Variants in PTPRG observed in about 807,000 individuals in gnomAD.
PTPRG encodes the protein protein tyrosine phosphatase receptor type G.
PTPRG carries 102 observed loss-of-function variants against 165.3 expected under a neutral mutation model. The ratio of observed to expected loss-of-function variants is 0.62; its 90% confidence interval spans 0.53 to 0.73. The LOEUF (loss-of-function observed/expected upper bound fraction) is 0.73, where lower values mean the gene tolerates loss of function less well. Ranked by LOEUF, PTPRG falls within the 30% of genes least tolerant of loss-of-function variation. The probability of loss-of-function intolerance (pLI) is 0.00; values close to 1 mark genes in which losing one functional copy is unlikely to be tolerated. For synonymous variants in PTPRG, 675 were observed against 669.5 expected, an observed-to-expected ratio of 1.01 and a Z score of -0.13; for missense variants, 1,866 against 1,861.4, an observed-to-expected ratio of 1.00 and a Z score of -0.05.
chr3:62,108,257 A>AG lies in PTPRG; in HGVS notation c.616-24345_616-24344insG, dbSNP rs1388712980. 1.4e-4 allele frequency among the ~76,000 whole-genome samples: 20 copies of AG among 144,108 alleles called. No homozygotes were observed. The South Asian group carries it at 3.9e-3, about 28-fold the overall frequency. 94.5% of individuals were successfully genotyped at this position (144,108 alleles called of 152,430 possible). A position where few individuals can be genotyped will look rare whatever the true frequency, so the allele number is the denominator to read the frequency against. ...TTCCCCGCTGTATCCATGTGTCCTC[A>AG]TTGTTCAGCTCCCACTTATGAGTGA... On this transcript the variant is annotated intron_variant, in intron 5 of 29. Coordinates refer to ENST00000474889, the MANE Select transcript of PTPRG (RefSeq NM_002841.4).
intron 2 of PTPRG, among the ~76,000 whole-genome samples, chr3:61,972,655 TTTC>T (rs1243963274): frequency 1.4e-5 from 2 of 138,626 alleles, no homozygotes; most frequent in East Asian, 4.2e-4. Context: ...TTTTTTTTCT[TTTC>T]TTTTTTTTTT....
intron 5 of PTPRG, among the ~76,000 whole-genome samples, chr3:62,113,546 A>C (rs1013355525): frequency 1.1e-4 from 16 of 152,344 alleles, no homozygotes; most frequent in Non-Finnish European, 1.6e-4. Flanking sequence ...GCAATATATC[A>C]ACATTTGAAT....
chr3:61,657,872 G>A (rs1026109205), intron 1 of PTPRG, among the ~76,000 whole-genome samples: 2 of 152,170 alleles, frequency 1.3e-5, no homozygotes, highest in African/African-American at 4.8e-5. Context: ...AGGCATCAGC[G>A]GGGAAGATGC....
intron 5 of PTPRG, among the ~76,000 whole-genome samples, chr3:62,095,258 A>G (rs945318702): frequency 3.3e-5 from 5 of 152,146 alleles, no homozygotes; most frequent in African/African-American, 1.2e-4. Flanking sequence ...AGTTACAGAG[A>G]ATGTCAAAGC....
At chr3:61,724,001 G>A (rs1162369147) in intron 1 of PTPRG, among the ~76,000 whole-genome samples, 2 of 152,142 alleles carry the variant, frequency 1.3e-5, no homozygotes, top group African/African-American at 4.8e-5. Context: ...GGAGGCTGAG[G>A]CGGGTGGATC....
chr3:61,787,093 C>T (rs540664097), intron 2 of PTPRG, among the ~76,000 whole-genome samples: 1 of 152,074 alleles, frequency 6.6e-6, no homozygotes, highest in African/African-American at 2.4e-5. Flanking sequence ...AAAGCTGAAT[C>T]CTTTGTGTGC....
chr3:62,092,332 C>T (rs1018851621), intron 5 of PTPRG, among the ~76,000 whole-genome samples: 15 of 147,488 alleles, frequency 1.0e-4, no homozygotes, highest in Admixed American at 1.4e-4. Flanking sequence ...CCCTGCTGCT[C>T]GGGAGGCCGA....
chr3:62,028,276 T>C (rs1699637649), intron 4 of PTPRG, among the ~76,000 whole-genome samples: 1 of 152,174 alleles, frequency 6.6e-6, no homozygotes, highest in Non-Finnish European at 1.5e-5. Flanking sequence ...TCTACATTAC[T>C]CTGGAAAATA....
chr3:61,906,616 G>A (rs1324725212), intron 2 of PTPRG, among the ~76,000 whole-genome samples: 2 of 151,906 alleles, frequency 1.3e-5, no homozygotes, highest in Non-Finnish European at 2.9e-5. Context: ...CAAATAAAAA[G>A]TAAAAAATAA....
intron 5 of PTPRG, among the ~76,000 whole-genome samples, chr3:62,112,653 A>G (rs1702713257): frequency 6.6e-6 from 1 of 152,218 alleles, no homozygotes; most frequent in South Asian, 2.1e-4. Flanking sequence ...TACGAGTCCT[A>G]TCTGGGCATT....
intron 2 of PTPRG, among the ~76,000 whole-genome samples, chr3:61,911,294 T>G (rs1371187621): frequency 6.6e-6 from 1 of 152,204 alleles, no homozygotes; most frequent in East Asian, 1.9e-4. Flanking sequence ...TTACTGTATT[T>G]TAAGTGTCTG....
At chr3:61,953,066 G>T (rs540544154) in intron 2 of PTPRG, among the ~76,000 whole-genome samples, 1 of 151,908 alleles carries the variant, frequency 6.6e-6, no homozygotes, top group South Asian at 2.1e-4. Context: ...TTAATTTCTC[G>T]CCCTTTCTAC....
At chr3:62,107,526 T>C (rs1247813648) in intron 5 of PTPRG, among the ~76,000 whole-genome samples, 3 of 152,230 alleles carry the variant, frequency 2.0e-5, no homozygotes. Context: ...TAAATACCAG[T>C]GTATAAAATG....
chr3:62,118,394 C>T (rs1361183590), intron 5 of PTPRG: 3 of 152,190 alleles, frequency 2.0e-5, no homozygotes, highest in Non-Finnish European at 4.4e-5. Flanking sequence ...CCTTGTCACA[C>T]CTCATCCATG....
chr3:62,169,691 T>C (rs1334576923), intron 8 of PTPRG, among the ~76,000 whole-genome samples: 1 of 152,096 alleles, frequency 6.6e-6, no homozygotes, highest in Non-Finnish European at 1.5e-5. Flanking sequence ...AAAAGGGATA[T>C]TTCCCAACCC....
intron 1 of PTPRG, among the ~76,000 whole-genome samples, chr3:61,608,500 A>T (rs148480685): frequency 2.4e-4 from 37 of 152,306 alleles, no homozygotes; most frequent in Admixed American, 2.2e-3. Context: ...GGGTGCTGCC[A>T]GGATGTGCCA....
At chr3:61,600,184 A>ATGTGTGTGTGTGTGTG (rs1475629585) in intron 1 of PTPRG, among the ~76,000 whole-genome samples, 6 of 97,364 alleles carry the variant, frequency 6.2e-5, no homozygotes, top group Admixed American at 1.0e-4. Context: ...ATATATATAT[A>ATGTGTGTGTGTGTGTG]TATATATATG....
chr3:62,135,783 G>T (rs1703687291), intron 6 of PTPRG, among the ~76,000 whole-genome samples: 1 of 152,138 alleles, frequency 6.6e-6, no homozygotes, highest in Non-Finnish European at 1.5e-5. Context: ...TGACACCTCT[G>T]CAAGGAGAGA....
chr3:62,212,546 G>C (rs1315303332), intron 12 of PTPRG, among the ~76,000 whole-genome samples: 2 of 152,156 alleles, frequency 1.3e-5, no homozygotes, highest in African/African-American at 4.8e-5. Context: ...ACCCGAGTTA[G>C]TGTTGTTCTG....
Sources: allele counts gnomAD v4.1 joint callset (sites outside exome capture counted in the v4.1 genomes callset), GRCh38; gene constraint gnomAD v4.1.1; transcripts MANE v1.5; gene names NCBI Gene and HGNC (gene_info 2026-07-23, HGNC 2026-07-21).